Variants in PRKCZ observed in about 807,000 individuals in gnomAD.
PRKCZ encodes the protein protein kinase C zeta type.
A neutral mutation model predicts 79.5 loss-of-function variants in PRKCZ; 33 were observed. The ratio of observed to expected loss-of-function variants is 0.41; its 90% CI spans 0.31 to 0.55. The LOEUF is 0.55. Among genes scored for constraint, PRKCZ ranks in the 20% least tolerant of loss-of-function variants. PRKCZ has a pLI of 0.19. For missense variants in PRKCZ, 578 were observed against 813.5 expected (o/e 0.71, Z 3.52); for synonymous variants, 342 against 320.9 (o/e 1.07, Z -0.70).
chr1:2,053,332 C>T (rs1659866016), intron 1 of PRKCZ, among the ~76,000 whole-genome samples: 2 of 152,150 alleles, frequency 1.3e-5, no homozygotes, highest in Middle Eastern at 3.2e-3. Flanking sequence ...AACTTCTGAC[C>T]TCGTGATCCG....
At chr1:2,155,306 GGTGGTGATGACAGTGATGATGGTA>G (rs1422784145) in intron 9 of PRKCZ, among the ~76,000 whole-genome samples, 1 of 151,768 alleles carries the variant, frequency 6.6e-6, no homozygotes, top group Non-Finnish European at 1.5e-5. Flanking sequence ...TGATGACAAT[GGTGGTGATGACAGTGATGATGGTA>G]GTGGTGATGA....
At chr1:2,088,527 G>A (rs948559719) in intron 4 of PRKCZ, among the ~76,000 whole-genome samples, 1 of 152,306 alleles carries the variant, frequency 6.6e-6, no homozygotes, top group South Asian at 2.1e-4. Flanking sequence ...TGATTGCCGC[G>A]TGACTCAGCC....
At chr1:2,080,446 CTGTT>C (rs1270434213) in intron 4 of PRKCZ, among the ~76,000 whole-genome samples, 3 of 146,036 alleles carry the variant, frequency 2.1e-5, no homozygotes, top group Non-Finnish European at 4.4e-5. Context: ...AAAGGCCCCT[CTGTT>C]TGTTTTTCCT....
intron 10 of PRKCZ, among the ~76,000 whole-genome samples, chr1:2,164,625 A>C (rs956674502): frequency 2.6e-5 from 4 of 152,182 alleles, no homozygotes; most frequent in Non-Finnish European, 5.9e-5. Flanking sequence ...AGGCAGCCTA[A>C]AACCATGAGC....
At chr1:2,140,607 A>C (rs866601259) in intron 5 of PRKCZ, among the ~76,000 whole-genome samples, 1 of 152,138 alleles carries the variant, frequency 6.6e-6, no homozygotes, top group South Asian at 2.1e-4. Flanking sequence ...CAGTGAGCTG[A>C]GAACATGCCA....
At chr1:2,091,100 C>T (rs775562602) in intron 4 of PRKCZ, among the ~76,000 whole-genome samples, 3 of 152,166 alleles carry the variant, frequency 2.0e-5, no homozygotes, top group Non-Finnish European at 4.4e-5. Flanking sequence ...GGTGCAATCT[C>T]GGTTCACTGC....
At chr1:2,103,492 A>G (rs1667848478) in intron 4 of PRKCZ, among the ~76,000 whole-genome samples, 2 of 152,112 alleles carry the variant, frequency 1.3e-5, no homozygotes, top group Admixed American at 6.5e-5. Flanking sequence ...CTCCGCAGGG[A>G]AAGCTGCCCC....
upstream of PRKCZ, among the ~76,000 whole-genome samples, chr1:2,050,228 A>AACAGGTAGCCCCGCCCG (rs942867015): frequency 1.3e-5 from 2 of 151,318 alleles, no homozygotes; most frequent in East Asian, 1.9e-4. Flanking sequence ...CGCCCCGCCC[A>AACAGGTAGCCCCGCCCG]ACAGGTAGCC....
At chr1:2,073,693 C>G in intron 4 of PRKCZ, 1 of 992,266 alleles carries the variant, frequency 1.0e-6, no homozygotes, top group Non-Finnish European at 1.2e-6. Flanking sequence ...CCGGGGGAGC[C>G]GGGTACCACC....
rs1670313420 is a variant in PRKCZ, at chr1:2,114,267, A to G, written c.335-20995A>G. 2.6e-5 allele frequency among the ~76,000 whole-genome samples: 4 copies of G among 152,154 alleles called. No homozygotes were observed. In the South Asian group the frequency reaches 8.3e-4, roughly 32 times the overall value. On this transcript the variant is annotated intron_variant, in intron 4 of 17. Transcript: ENST00000378567. ...ACGTGCTCTCCAGGGATCTGTGTTA[A>G]TACAGGTAGCCCAAGCACAGTGTCC...
At chr1:2,154,179 G>T (rs1186255098) in intron 9 of PRKCZ, among the ~76,000 whole-genome samples, 1 of 152,228 alleles carries the variant, frequency 6.6e-6, no homozygotes, top group Non-Finnish European at 1.5e-5. Flanking sequence ...GACCCACTAG[G>T]TCTTCAGCCA....
intron 4 of PRKCZ, among the ~76,000 whole-genome samples, chr1:2,064,127 G>A (rs1047524717): frequency 3.3e-5 from 5 of 152,240 alleles, no homozygotes; most frequent in Non-Finnish European, 5.9e-5. Flanking sequence ...GATTATAGGC[G>A]TGAGCTGCCG....
rs1687390934 is a variant in PRKCZ, at chr1:2,185,163, C to A, written c.*154C>A. 2 of 772,310 alleles carry A rather than the reference C, an allele frequency of 2.6e-6. No homozygotes were observed. Among genetic ancestry groups the A allele is most frequent in the East Asian group, 2.7e-5 (1 of 37,406 alleles). 47.8% of individuals were successfully genotyped at this position (772,310 alleles called of 1,614,324 possible). On this transcript the variant is annotated 3_prime_UTR_variant, in exon 18 of 18. Coordinates refer to ENST00000378567, the MANE Select transcript of PRKCZ (RefSeq NM_002744.6). Reference sequence around the variant, plus strand: ...CAGAGGGAAGCGTCAGCGGGCGCTGCTGGGAGCAGAACAGTCCCTCACACC... The same window carrying A: ...CAGAGGGAAGCGTCAGCGGGCGCTGATGGGAGCAGAACAGTCCCTCACACC...
rs192392155 is a variant in PRKCZ, at chr1:2,074,593, C to T, written c.334+15002C>T. The T allele has an allele frequency of 2.5e-5, 12 of 488,844 alleles. No homozygotes were observed. The East Asian group carries it at 2.8e-4, about 11-fold the overall frequency. 30.3% of individuals were successfully genotyped at this position (488,844 alleles called of 1,614,324 possible). ...ACCTGTTCCAGGCCTGCGGTCTTTC[C>T]GTCTCGAGCCTGCCCTCCCGCCTGT... On this transcript the variant is annotated intron_variant, in intron 4 of 17. Transcript: ENST00000378567.
At chr1:2,072,937 G>A (rs544481774) in intron 4 of PRKCZ, among the ~76,000 whole-genome samples, 1 of 152,224 alleles carries the variant, frequency 6.6e-6, no homozygotes, top group Non-Finnish European at 1.5e-5. Flanking sequence ...ATTCCCAGCT[G>A]AGCACCCCGC....
intron 4 of PRKCZ, among the ~76,000 whole-genome samples, chr1:2,083,598 C>T (rs1329437492): frequency 6.6e-6 from 1 of 152,136 alleles, no homozygotes. Context: ...ACGGTTGAGC[C>T]ATCACACCTG....
intron 4 of PRKCZ, chr1:2,073,470 C>T: frequency 3.4e-6 from 1 of 296,682 alleles, no homozygotes; most frequent in South Asian, 1.3e-4. Context: ...GCCTGGCAGG[C>T]CAACCTGCAG....
At chr1:2,098,662 C>CGTTTT (rs140076665) in intron 4 of PRKCZ, 6,501 of 151,040 alleles carry the variant, frequency 0.043, 278 homozygotes, top group African/African-American at 0.11. Flanking sequence ...TGTTTGTTTT[C>CGTTTT]GTTTTGTTTT....
chr1:2,181,806 GC>G (rs1371730328), intron 16 of PRKCZ: 3 of 455,496 alleles, frequency 6.6e-6, no homozygotes, highest in Non-Finnish European at 1.3e-5. Flanking sequence ...TTTAGGAAAT[GC>G]CCCTTTTTCA....
Sources: allele counts gnomAD v4.1 joint callset (sites outside exome capture counted in the v4.1 genomes callset), GRCh38; gene constraint gnomAD v4.1.1; transcripts MANE v1.5; gene names NCBI Gene and HGNC (gene_info 2026-07-23, HGNC 2026-07-21).